Variants in SPON1 observed in about 807,000 individuals in gnomAD.
SPON1 encodes the protein spondin 1, also known as spondin-1.
In SPON1, 52 loss-of-function variants were observed where a neutral mutation model predicts 111.7. The ratio of observed to expected loss-of-function variants is 0.47; its 90% CI spans 0.37 to 0.59. The LOEUF (loss-of-function observed/expected upper bound fraction) is 0.59. Ranked by LOEUF, SPON1 falls within the 20% of genes least tolerant of loss-of-function variation. SPON1 has a pLI of 0.00. For synonymous variants in SPON1, 410 were observed against 395.8 expected, an observed-to-expected ratio of 1.04 and a Z score of -0.43; for missense variants, 957 against 1,068.5, an observed-to-expected ratio of 0.90 and a Z score of 1.46.
rs148497819 is a variant in SPON1 at position 14,115,181 on chromosome 11, C to T, written c.677-20239C>T. On this transcript the variant is annotated intron_variant, in intron 5 of 15. Coordinates refer to ENST00000576479, the MANE Select transcript of SPON1 (RefSeq NM_006108.4). Reference sequence around the variant, plus strand: ...CAGTTTTCATCCAATGCAGCTCAAGCATAGGGTAGGCCAGAGTGAGCCTGG... The same window carrying T: ...CAGTTTTCATCCAATGCAGCTCAAGTATAGGGTAGGCCAGAGTGAGCCTGG... Among the ~76,000 whole-genome samples the T allele has an allele frequency of 5.2e-3, 790 of 152,306 alleles. 7 individuals carry two copies. The highest frequency in any genetic ancestry group is 8.8e-3 in the Non-Finnish European group (596 of 68,030).
intron 3 of SPON1, among the ~76,000 whole-genome samples, chr11:14,065,547 A>G (rs1399868260): frequency 1.3e-5 from 2 of 152,248 alleles, no homozygotes; most frequent in Non-Finnish European, 2.9e-5. Context: ...ATTTTGGATC[A>G]GAGCATAGTC....
chr11:14,006,611 T>C (rs1014262009), intron 2 of SPON1, among the ~76,000 whole-genome samples: 4 of 152,026 alleles, frequency 2.6e-5, no homozygotes, highest in Non-Finnish European at 5.9e-5. Context: ...TTGAACCCTC[T>C]GCTGTCTCCT....
At chr11:14,024,554 G>A (rs1193287974) in intron 2 of SPON1, among the ~76,000 whole-genome samples, 1 of 152,140 alleles carries the variant, frequency 6.6e-6, no homozygotes, top group African/African-American at 2.4e-5. Context: ...CACCATCGCT[G>A]GTCTGCCAGT....
chr11:14,112,665 C>T (rs1345931552), intron 5 of SPON1, among the ~76,000 whole-genome samples: 3 of 152,212 alleles, frequency 2.0e-5, no homozygotes, highest in African/African-American at 7.2e-5. Flanking sequence ...CCCCAGTTCT[C>T]ATAACTGGGT....
At chr11:14,047,493 C>A (rs1209049433) in intron 3 of SPON1, among the ~76,000 whole-genome samples, 2 of 152,166 alleles carry the variant, frequency 1.3e-5, no homozygotes, top group South Asian at 2.1e-4. Context: ...ACTTTCAAAA[C>A]ACTTTCAGCC....
intron 6 of SPON1, among the ~76,000 whole-genome samples, chr11:14,238,791 G>A (rs1159703298): frequency 6.6e-6 from 1 of 152,228 alleles, no homozygotes; most frequent in Non-Finnish European, 1.5e-5. Flanking sequence ...CAAAATGGAA[G>A]ATGAATATGA....
intron 6 of SPON1, among the ~76,000 whole-genome samples, chr11:14,164,643 C>T (rs1212368638): frequency 6.6e-6 from 1 of 152,130 alleles, no homozygotes; most frequent in Non-Finnish European, 1.5e-5. Flanking sequence ...CCTAGATAGC[C>T]GATTCATCAC....
At chr11:14,107,317 C>G (rs1252619191) in intron 5 of SPON1, among the ~76,000 whole-genome samples, 1 of 152,088 alleles carries the variant, frequency 6.6e-6, no homozygotes, top group Admixed American at 6.6e-5. Flanking sequence ...TTTATCCGCC[C>G]ACACACATTG....
chr11:14,178,370 C>T (rs1438623636), intron 6 of SPON1, among the ~76,000 whole-genome samples: 1 of 149,598 alleles, frequency 6.7e-6, no homozygotes, highest in East Asian at 2.0e-4. Flanking sequence ...TGCAGTGAGC[C>T]GAGATTGCAC....
intron 6 of SPON1, among the ~76,000 whole-genome samples, chr11:14,191,724 G>T (rs900463409): frequency 6.6e-5 from 10 of 152,166 alleles, no homozygotes; most frequent in African/African-American, 1.4e-4. Flanking sequence ...GCCCAGAAAA[G>T]AATACATCTG....
chr11:13,980,293 G>A (rs1265970445), intron 1 of SPON1, among the ~76,000 whole-genome samples: 7 of 152,072 alleles, frequency 4.6e-5, no homozygotes, highest in Admixed American at 2.6e-4. Flanking sequence ...CACCCACCTC[G>A]GCCTCCCAGA....
chr11:13,987,939 G>C (rs57756117), intron 2 of SPON1, among the ~76,000 whole-genome samples: 2,792 of 152,172 alleles, frequency 0.018, 83 homozygotes, highest in African/African-American at 0.064. Flanking sequence ...GTATCATGCT[G>C]TTTTGGTTAC....
chr11:14,075,190 G>A (rs1848907396), intron 3 of SPON1, among the ~76,000 whole-genome samples, 155 bp from the exon 4 acceptor site: 1 of 152,052 alleles, frequency 6.6e-6, no homozygotes, highest in South Asian at 2.1e-4. Flanking sequence ...CCATAAAGCA[G>A]GTATTGCTGT....
At chr11:14,174,558 C>T (rs1466871948) in intron 6 of SPON1, among the ~76,000 whole-genome samples, 3 of 150,572 alleles carry the variant, frequency 2.0e-5, no homozygotes, top group African/African-American at 7.3e-5. Context: ...TTTTTTTCCC[C>T]AAAATGGGGC....
intron 5 of SPON1, among the ~76,000 whole-genome samples, chr11:14,081,265 T>C (rs1162643634): frequency 6.6e-6 from 1 of 152,074 alleles, no homozygotes; most frequent in Non-Finnish European, 1.5e-5. Context: ...TCTAGAGTTA[T>C]AATACTGAAC....
In SPON1 at chr11:14,135,341, C is replaced by G. The variant is rs931505170; in HGVS notation, c.677-79C>G. Reference sequence around the variant, plus strand: ...TGCTCTTTGAATCGATGTCCAATTACGCATCCTCCCCATCATTTAAGGGAC... The same window carrying G: ...TGCTCTTTGAATCGATGTCCAATTAGGCATCCTCCCCATCATTTAAGGGAC... On this transcript the variant is annotated intron_variant, in intron 5 of 15. Coordinates refer to ENST00000576479, the MANE Select transcript of SPON1 (RefSeq NM_006108.4). This position sits in a 1 kb window ranked among gnomAD's most constrained non-coding sequence, Gnocchi z 4.4. 9.5e-6 allele frequency: 14 copies of G among 1,477,768 alleles called. No homozygotes were observed. In the African/African-American group the frequency reaches 1.8e-4, roughly 19 times the overall value. The allele number at this position is 1,477,768 out of a possible 1,614,324, so 91.5% of individuals were successfully genotyped here. A position where few individuals can be genotyped will look rare whatever the true frequency, so the allele number is the denominator to read the frequency against.
chr11:13,969,986 G>T (rs996245836), intron 1 of SPON1, among the ~76,000 whole-genome samples: 8 of 152,258 alleles, frequency 5.3e-5, no homozygotes, highest in African/African-American at 1.9e-4. Context: ...TCAGGCACAT[G>T]CATGCATTGA....
intron 7 of SPON1, among the ~76,000 whole-genome samples, chr11:14,243,637 A>G (rs1228408436): frequency 3.3e-5 from 5 of 152,224 alleles, no homozygotes; most frequent in Non-Finnish European, 7.3e-5. Context: ...GATGGCTTTA[A>G]TACCAACTCA....
Position 14,037,102 on chromosome 11 carries a change from C to CT in SPON1, c.346-4410dup, listed in dbSNP as rs138249328. On this transcript the variant is annotated intron_variant, in intron 2 of 15. Transcript: ENST00000576479. ...GATGAAGAGTTAAGTAAGGTCTCAG[C>CT]TTTTTTTTTAATTTTATTATTATTA... Among the ~76,000 whole-genome samples the CT allele has an allele frequency of 7.4e-3, 1,123 of 151,004 alleles. 17 individuals carry two copies. The highest frequency in any genetic ancestry group is 0.026 in the African/African-American group (1,087 of 41,124).
Sources: allele counts gnomAD v4.1 joint callset (sites outside exome capture counted in the v4.1 genomes callset), GRCh38; gene constraint gnomAD v4.1.1; non-coding constraint Gnocchi (gnomAD v3.1); transcripts MANE v1.5; gene names NCBI Gene and HGNC (gene_info 2026-07-23, HGNC 2026-07-21).